CDH13: variants seen among roughly 807,000 people sequenced by gnomAD.
The protein encoded by CDH13 is cadherin-13.
A neutral mutation model predicts 63.8 loss-of-function variants in CDH13; 24 were observed. That is an observed-to-expected ratio of 0.38 (90% CI 0.27 to 0.53). The LOEUF (loss-of-function observed/expected upper bound fraction) is 0.53. Ranked by LOEUF, CDH13 falls within the 20% of genes least tolerant of loss-of-function variation. The pLI, the probability that CDH13 is intolerant of heterozygous loss-of-function variation, is 0.85. For synonymous variants in CDH13, 503 were observed against 355.3 expected (o/e 1.42, Z -4.67); for missense variants, 1,049 against 903.1 (o/e 1.16, Z -2.07).
chr16:82,676,434 C>T (rs953088889), intron 1 of CDH13, among the ~76,000 whole-genome samples: 2 of 151,292 alleles, frequency 1.3e-5, no homozygotes, highest in Non-Finnish European at 2.9e-5. Context: ...AAGAATCCAT[C>T]CAGTTCTCTC....
At chr16:83,039,749 C>G (rs1917175198) in intron 3 of CDH13, among the ~76,000 whole-genome samples, 1 of 152,112 alleles carries the variant, frequency 6.6e-6, no homozygotes, top group African/African-American at 2.4e-5. Flanking sequence ...ACATTGAACT[C>G]TCCCTCCTTC....
Position 83,320,426 on chromosome 16 carries a change from G to A in CDH13, c.637-24436G>A, listed in dbSNP as rs150524864. On this transcript the variant is annotated intron_variant, in intron 5 of 13. Transcript: ENST00000567109. ...ATCTAGGAAAAGTATAAGCTGTGTT[G>A]TCACCCAGGCATTGCTAGAAAGTGG... Among the ~76,000 whole-genome samples, 14 of 152,288 alleles carry A rather than the reference G, an allele frequency of 9.2e-5. No homozygotes were observed. The East Asian group carries it at 2.5e-3, about 27-fold the overall frequency.
chr16:83,068,710 G>A (rs2032213721), intron 3 of CDH13, among the ~76,000 whole-genome samples: 1 of 152,138 alleles, frequency 6.6e-6, no homozygotes, highest in Non-Finnish European at 1.5e-5. Context: ...GAATTCAGCA[G>A]GCAGTTGGCA....
At chr16:82,882,441 G>A (rs1379470823) in intron 2 of CDH13, among the ~76,000 whole-genome samples, 7 of 152,144 alleles carry the variant, frequency 4.6e-5, no homozygotes, top group Admixed American at 2.0e-4. Context: ...TTGCAAACCC[G>A]TACACATGCG....
intron 4 of CDH13, among the ~76,000 whole-genome samples, chr16:83,131,182 A>ACCCCCCCCCCCCCCCCC (rs1173636265): frequency 3.5e-5 from 3 of 86,350 alleles, no homozygotes; most frequent in East Asian, 4.1e-4. Flanking sequence ...GGGGTGTATG[A>ACCCCCCCCCCCCCCCCC]CCCCCCCCCC....
At chr16:83,570,409 T>C (rs947508347) in intron 7 of CDH13, among the ~76,000 whole-genome samples, 11 of 152,156 alleles carry the variant, frequency 7.2e-5, no homozygotes, top group Non-Finnish European at 1.6e-4. Flanking sequence ...CAAGATGATG[T>C]CTTCATCTGC....
chr16:82,919,665 T>A (rs1374754693), intron 2 of CDH13, among the ~76,000 whole-genome samples: 46 of 152,318 alleles, frequency 3.0e-4, no homozygotes, highest in Non-Finnish European at 7.3e-5. Context: ...ATAGTGAACA[T>A]ATGTGTGCAT....
chr16:83,460,024 A>G (rs1013553353), intron 6 of CDH13, among the ~76,000 whole-genome samples: 1 of 152,250 alleles, frequency 6.6e-6, no homozygotes, highest in African/African-American at 2.4e-5. Context: ...ATAGGGGATC[A>G]GTAACAAGAT....
chr16:82,803,337 G>T (rs373319837), intron 1 of CDH13, among the ~76,000 whole-genome samples: 1 of 152,086 alleles, frequency 6.6e-6, no homozygotes, highest in East Asian at 1.9e-4. Flanking sequence ...CTTATTTATT[G>T]GGCCTTCTTT....
intron 5 of CDH13, among the ~76,000 whole-genome samples, chr16:83,244,567 G>A (rs542963041): frequency 6.6e-6 from 1 of 152,244 alleles, no homozygotes; most frequent in Admixed American, 6.5e-5. Flanking sequence ...AACTGTTGAT[G>A]AATGCTATGT....
intron 6 of CDH13, among the ~76,000 whole-genome samples, chr16:83,450,441 C>T (rs2151509823): frequency 6.6e-6 from 1 of 152,250 alleles, no homozygotes; most frequent in South Asian, 2.1e-4. Flanking sequence ...ATGAGCTCCT[C>T]ATGAGGATCT....
intron 5 of CDH13, among the ~76,000 whole-genome samples, chr16:83,248,382 A>G: frequency 6.6e-6 from 1 of 152,050 alleles, no homozygotes; most frequent in Non-Finnish European, 1.5e-5. Flanking sequence ...TGCTCTTGGG[A>G]GCTTATCAGA....
At chr16:83,037,063 A>C (rs1296806000) in intron 3 of CDH13, among the ~76,000 whole-genome samples, 1 of 152,234 alleles carries the variant, frequency 6.6e-6, no homozygotes, top group African/African-American at 2.4e-5. Flanking sequence ...AGAAACAGGC[A>C]GGATAAAAAT....
intron 1 of CDH13, among the ~76,000 whole-genome samples, chr16:82,767,582 G>T (rs1597510689): frequency 6.6e-6 from 1 of 152,146 alleles, no homozygotes; most frequent in Admixed American, 6.5e-5. Context: ...CCTGGTCCCT[G>T]CCCCCTTTAA....
chr16:83,563,427 T>G (rs1196499678), intron 7 of CDH13, among the ~76,000 whole-genome samples: 1 of 152,212 alleles, frequency 6.6e-6, no homozygotes, highest in African/African-American at 2.4e-5. Context: ...AAGGTTAAAT[T>G]TAAGGCAATG....
At chr16:83,542,571 G>A (rs1199206262) in intron 7 of CDH13, among the ~76,000 whole-genome samples, 1 of 152,198 alleles carries the variant, frequency 6.6e-6, no homozygotes, top group African/African-American at 2.4e-5. Flanking sequence ...TTCTCCCATG[G>A]TTCTGGAAGC....
intron 4 of CDH13, among the ~76,000 whole-genome samples, chr16:83,140,139 C>G (rs531811312): frequency 6.6e-6 from 1 of 152,334 alleles, no homozygotes; most frequent in East Asian, 1.9e-4. Context: ...AGGTTTAGAT[C>G]CCATAGGTCT....
intron 1 of CDH13, among the ~76,000 whole-genome samples, chr16:82,827,258 C>T (rs1275874696): frequency 6.6e-6 from 1 of 152,106 alleles, no homozygotes; most frequent in Non-Finnish European, 1.5e-5. Flanking sequence ...TGTGAATTCC[C>T]TTCTAATAGG....
At chr16:83,660,231 A>G (rs1303719568) in intron 8 of CDH13, among the ~76,000 whole-genome samples, 2 of 152,230 alleles carry the variant, frequency 1.3e-5, no homozygotes, top group Admixed American at 1.3e-4. Context: ...ATTGTAATAT[A>G]CAATGACATA....
Sources: allele counts gnomAD v4.1 joint callset (sites outside exome capture counted in the v4.1 genomes callset), GRCh38; gene constraint gnomAD v4.1.1; transcripts MANE v1.5; gene names NCBI Gene and HGNC (gene_info 2026-07-23, HGNC 2026-07-21).